The following MTFR1 variants were observed in gnomAD, a reference collection of about 807,000 sequenced individuals.
The protein encoded by MTFR1 is mitochondrial fission regulator 1, also known as chondrocyte protein with a poly-proline region.
MTFR1 carries 28 observed loss-of-function variants against 38.8 expected under a neutral mutation model. The observed-to-expected ratio is 0.72, with a 90% CI of 0.53 to 0.99. The LOEUF (loss-of-function observed/expected upper bound fraction) is 0.99. Ranked by LOEUF, MTFR1 falls within the 50% of genes least tolerant of loss-of-function variation. The pLI is 0.00. For missense variants in MTFR1, 358 were observed against 395.5 expected (o/e 0.91, Z 0.81); for synonymous variants, 145 against 137.0 (o/e 1.06, Z -0.41).
At chr8:65,691,909 A>G (rs1447404433) in intron 3 of MTFR1, among the ~76,000 whole-genome samples, 3 of 152,220 alleles carry the variant, frequency 2.0e-5, no homozygotes, top group Admixed American at 6.5e-5. Flanking sequence ...TTAAAGTTTT[A>G]TTCATAATAT....
At chr8:65,772,385 G>A (rs1472216779), downstream of MTFR1, among the ~76,000 whole-genome samples, 1 of 152,134 alleles carries the variant, frequency 6.6e-6, no homozygotes, top group Non-Finnish European at 1.5e-5. Flanking sequence ...CAAAGCTTCA[G>A]TACCTCTGAA....
intron 3 of MTFR1, among the ~76,000 whole-genome samples, chr8:65,758,724 C>A (rs1427493531): frequency 1.3e-5 from 2 of 152,218 alleles, no homozygotes; most frequent in African/African-American, 4.8e-5. Flanking sequence ...ACAGTATGTT[C>A]CTTTGTCTGA....
chr8:65,700,933 C>T (rs541864349), intron 4 of MTFR1, among the ~76,000 whole-genome samples: 1 of 152,264 alleles, frequency 6.6e-6, no homozygotes, highest in South Asian at 2.1e-4. Flanking sequence ...AAAAGTTACC[C>T]CTCTGCTCAC....
chr8:65,668,054 C>CGTA (rs1804442669), intron 1 of MTFR1, among the ~76,000 whole-genome samples: 1 of 152,100 alleles, frequency 6.6e-6, no homozygotes, highest in African/African-American at 2.4e-5. Flanking sequence ...CTTCTCACAA[C>CGTA]GTAGACCACA....
chr8:65,776,557 TTTAAG>T, the MTFR1 span, among the ~76,000 whole-genome samples: 1 of 152,314 alleles, frequency 6.6e-6, no homozygotes, highest in Non-Finnish European at 1.5e-5. Flanking sequence ...TATATTTCTA[TTTAAG>T]TTATCTTTAA....
intron 3 of MTFR1, chr8:65,721,948 C>A (rs1320690085): frequency 6.6e-6 from 1 of 151,952 alleles, no homozygotes; most frequent in Non-Finnish European, 1.5e-5. Context: ...GGCCATCACA[C>A]CCAGCTAATT....
chr8:65,755,516 C>T (rs935843882), intron 3 of MTFR1, among the ~76,000 whole-genome samples: 1 of 152,170 alleles, frequency 6.6e-6, no homozygotes, highest in Non-Finnish European at 1.5e-5. Context: ...ACAAACACTG[C>T]TCGTATGCAT....
In MTFR1 at chr8:65,670,022, A is replaced by G. The variant is rs200264284; in HGVS notation, c.66+4A>G. 6.3e-7 allele frequency: 1 copy of G among 1,587,686 alleles called. No homozygotes were observed. The highest frequency in any genetic ancestry group is 2.0e-5 in the Admixed American group (1 of 50,258). On this transcript the variant is annotated splice_donor_region_variant and intron_variant, in intron 2 of 7. Transcript: ENST00000262146. ...AGTTGGAGTAAGCATGCAATCGGTG[A>G]GTGCTCAAAATTCATTTTTTAAATC...
chr8:65,723,596 C>T, intron 3 of MTFR1: 1 of 1,574,690 alleles, frequency 6.4e-7, no homozygotes, highest in Non-Finnish European at 8.6e-7. Flanking sequence ...GACTCACACC[C>T]AAATGATATT....
intron 2 of MTFR1, among the ~76,000 whole-genome samples, chr8:65,717,002 T>TG (rs1208341046): frequency 4.7e-4 from 71 of 152,210 alleles, no homozygotes; most frequent in Non-Finnish European, 2.9e-5. Context: ...CAATATACAC[T>TG]GGATTTCAAA....
chr8:65,671,172 A>T (rs751970530), intron 2 of MTFR1, among the ~76,000 whole-genome samples: 18 of 152,226 alleles, frequency 1.2e-4, no homozygotes, highest in Non-Finnish European at 2.6e-4. Context: ...GAGGATAAGC[A>T]ATAGGAAAAT....
Position 65,671,904 on chromosome 8 carries a change from A to G in MTFR1, c.66+1886A>G, listed in dbSNP as rs892476220. ...AAGCATCTAGCACAGTGGCTTGTAC[A>G]GTGTAGATACATTCAATAATAGTTT... On this transcript the variant is annotated intron_variant, in intron 2 of 7. Coordinates refer to ENST00000262146, the MANE Select transcript of MTFR1 (RefSeq NM_014637.4). 5.9e-5 allele frequency among the ~76,000 whole-genome samples: 9 copies of G among 152,362 alleles called. No individual in the cohort carries two copies. The South Asian group carries it at 1.2e-3, about 21-fold the overall frequency.
At chr8:65,669,615 G>T (rs932467850) in intron 1 of MTFR1, among the ~76,000 whole-genome samples, 1 of 151,372 alleles carries the variant, frequency 6.6e-6, no homozygotes, top group African/African-American at 2.4e-5. Flanking sequence ...ACAATGGCGC[G>T]ATCTTGGCTC....
chr8:65,767,565 A>G (rs567250068), intron 3 of MTFR1, among the ~76,000 whole-genome samples: 1 of 152,030 alleles, frequency 6.6e-6, no homozygotes, highest in Non-Finnish European at 1.5e-5. Flanking sequence ...GGCCTTTCTG[A>G]CTGTGAGTCT....
chr8:65,769,064 A>G (rs1041452450), intron 3 of MTFR1, among the ~76,000 whole-genome samples: 1 of 152,058 alleles, frequency 6.6e-6, no homozygotes, highest in African/African-American at 2.4e-5. Context: ...CCTGGCCAAC[A>G]TGGTGAAACC....
chr8:65,749,250 C>T (rs1462851617), intron 3 of MTFR1, among the ~76,000 whole-genome samples: 1 of 152,114 alleles, frequency 6.6e-6, no homozygotes, highest in Non-Finnish European at 1.5e-5. Context: ...CCTCTGTATT[C>T]CAAAGCCTAA....
intron 3 of MTFR1, among the ~76,000 whole-genome samples, chr8:65,764,340 T>G (rs543750343): frequency 6.6e-6 from 1 of 152,346 alleles, no homozygotes; most frequent in Admixed American, 6.5e-5. Context: ...GATCTTAGTC[T>G]ACAATACCAT....
chr8:65,743,172 T>C (rs959114345), intron 3 of MTFR1, among the ~76,000 whole-genome samples: 2 of 152,210 alleles, frequency 1.3e-5, no homozygotes, highest in African/African-American at 2.4e-5. Flanking sequence ...AAGAGTGGCA[T>C]TGTTTCATCT....
chr8:65,752,133 C>A (rs564508578), intron 3 of MTFR1, among the ~76,000 whole-genome samples: 1 of 152,304 alleles, frequency 6.6e-6, no homozygotes, highest in South Asian at 2.1e-4. Flanking sequence ...AGTTATTGCA[C>A]GAGGAAGTCA....
Sources: gnomAD v4.1 joint callset for allele counts (sites outside exome capture counted in the v4.1 genomes callset) on GRCh38, gnomAD v4.1.1 for gene constraint, MANE v1.5 for transcripts, NCBI Gene and HGNC (gene_info 2026-07-23, HGNC 2026-07-21) for gene names.